The following TBC1D32 variants were observed in gnomAD, a reference collection of about 807,000 sequenced individuals.
TBC1D32 encodes the protein TBC1 domain family member 32.
Under a neutral mutation model 170.3 loss-of-function variants are expected in TBC1D32, and 151 were observed. The ratio of observed to expected loss-of-function variants is 0.89; its 90% CI spans 0.78 to 1.01. TBC1D32 has a LOEUF of 1.01. Among genes scored for constraint, TBC1D32 ranks in the 50% least tolerant of loss-of-function variants. The pLI is 0.00. For missense variants in TBC1D32, 1,464 were observed against 1,457.1 expected (o/e 1.00, Z -0.08); for synonymous variants, 498 against 488.0 (o/e 1.02, Z -0.27).
chr6:121,300,593 A>G (rs1806310986), intron 9 of TBC1D32, among the ~76,000 whole-genome samples: 1 of 152,196 alleles, frequency 6.6e-6, no homozygotes, highest in Non-Finnish European at 1.5e-5. Flanking sequence ...ACCCTAGAAG[A>G]AAACCTAGGC....
In TBC1D32 at chr6:121,310,818, T is replaced by C. The variant is rs1231701560; in HGVS notation, c.525A>G (p.Gln175=). The C allele has an allele frequency of 5.7e-6, 9 of 1,584,818 alleles. No homozygotes were observed. Among genetic ancestry groups the C allele is most frequent in the Middle Eastern group, 1.7e-4 (1 of 6,050 alleles). ...CAGGATCCAACTGGTCTAAAATCAATTGTAATTTTCCTTGACAAAATTTGT... is the reference window on the plus strand; with the variant it reads ...CAGGATCCAACTGGTCTAAAATCAACTGTAATTTTCCTTGACAAAATTTGT... ...QSYKFCQGKL[Q]LILDQLDPGQ... Residue 175 remains glutamine, a synonymous_variant, in exon 4 of 32, where the codon CAA becomes CAG. Coordinates refer to ENST00000398212, the MANE Select transcript of TBC1D32 (RefSeq NM_152730.6).
At chr6:121,198,362 G>A (rs77047625) in intron 22 of TBC1D32, among the ~76,000 whole-genome samples, 9,481 of 148,616 alleles carry the variant, frequency 0.064, 618 homozygotes, top group Admixed American at 0.2. Context: ...TGAGTTTGTG[G>A]AGCTTGCATG....
At chr6:121,284,397 G>C (rs765377824) in intron 12 of TBC1D32, among the ~76,000 whole-genome samples, 3 of 152,084 alleles carry the variant, frequency 2.0e-5, no homozygotes, top group Non-Finnish European at 2.9e-5. Context: ...GTAGCACTAA[G>C]TATATGTAGA....
rs559565308 is a variant in TBC1D32, at chr6:121,289,164, G to A, written c.1372+2889C>T. ...TGGAAGTTCTGGCAAGGGCAATCAG[G>A]CAAGGGAAAGAAATAAAGGGTATTC... On this transcript the variant is annotated intron_variant, in intron 12 of 31. Coordinates refer to ENST00000398212, the MANE Select transcript of TBC1D32 (RefSeq NM_152730.6). 1.1e-4 allele frequency among the ~76,000 whole-genome samples: 16 copies of A among 152,250 alleles called. 2 individuals carry two copies. In the South Asian group the frequency reaches 3.1e-3, roughly 30 times the overall value.
chr6:121,203,876 C>A (rs1438709815), intron 22 of TBC1D32, among the ~76,000 whole-genome samples: 8 of 151,006 alleles, frequency 5.3e-5, no homozygotes, highest in Non-Finnish European at 8.8e-5. Context: ...ATGTTATTCC[C>A]AGGAGCATTT....
intron 21 of TBC1D32, among the ~76,000 whole-genome samples, chr6:121,221,905 A>G (rs980467663): frequency 1.1e-4 from 17 of 152,356 alleles, no homozygotes; most frequent in Non-Finnish European, 2.2e-4. Context: ...ATTGACCTCA[A>G]TTCTGAAAGA....
At chr6:121,193,956 C>G (rs564995361) in intron 22 of TBC1D32, among the ~76,000 whole-genome samples, 1 of 152,248 alleles carries the variant, frequency 6.6e-6, no homozygotes, top group South Asian at 2.1e-4. Flanking sequence ...GAATATTTCT[C>G]CCATCCTTCC....
chr6:121,188,461 A>T (rs1291190441), intron 22 of TBC1D32, among the ~76,000 whole-genome samples: 1 of 152,194 alleles, frequency 6.6e-6, no homozygotes, highest in Admixed American at 6.6e-5. Context: ...ATAGAGATTT[A>T]ATCAAGAATA....
intron 30 of TBC1D32, among the ~76,000 whole-genome samples, chr6:121,102,829 C>T (rs921521636): frequency 6.6e-6 from 1 of 152,084 alleles, no homozygotes; most frequent in Non-Finnish European, 1.5e-5. Flanking sequence ...AAAATTTTTG[C>T]AATCTACTCA....
At chr6:121,142,026 C>T (rs535628712) in intron 24 of TBC1D32, among the ~76,000 whole-genome samples, 2 of 152,340 alleles carry the variant, frequency 1.3e-5, no homozygotes, top group South Asian at 2.1e-4. Flanking sequence ...GCTCTCTACT[C>T]GAGGGGTCAA....
intron 17 of TBC1D32, among the ~76,000 whole-genome samples, chr6:121,252,044 A>G (rs1212325257): frequency 6.6e-6 from 1 of 152,230 alleles, no homozygotes; most frequent in East Asian, 1.9e-4. Context: ...TGCCAGTTAG[A>G]ATGACAATCA....
intron 24 of TBC1D32, among the ~76,000 whole-genome samples, chr6:121,136,706 T>C (rs1048903910): frequency 6.6e-5 from 10 of 152,184 alleles, no homozygotes; most frequent in African/African-American, 2.4e-4. Flanking sequence ...GAAAATGTTC[T>C]ATATTTGATT....
intron 27 of TBC1D32, 141 bp from the exon 28 acceptor site, chr6:121,113,318 T>C: frequency 5.8e-6 from 3 of 519,916 alleles, no homozygotes; most frequent in East Asian, 6.3e-5. Context: ...GATTATGATA[T>C]ATTTGGATTA....
chr6:121,158,524 G>A (rs533375347), intron 24 of TBC1D32, among the ~76,000 whole-genome samples: 2 of 152,076 alleles, frequency 1.3e-5, no homozygotes, highest in Non-Finnish European at 2.9e-5. Context: ...TTTCAATATG[G>A]TTAAGAACCA....
chr6:121,087,678 T>C (rs942395814), intron 31 of TBC1D32, among the ~76,000 whole-genome samples: 2 of 152,238 alleles, frequency 1.3e-5, no homozygotes, highest in Non-Finnish European at 2.9e-5. Context: ...AACTCATTTA[T>C]AACAGTCAGA....
At chr6:121,207,185 T>C (rs905006002) in intron 21 of TBC1D32, among the ~76,000 whole-genome samples, 8 of 152,318 alleles carry the variant, frequency 5.3e-5, no homozygotes, top group East Asian at 1.9e-4. Context: ...ATTATACTTC[T>C]TGTACCTGAG....
chr6:121,274,150 T>C (rs994726558), intron 15 of TBC1D32, among the ~76,000 whole-genome samples: 5 of 151,900 alleles, frequency 3.3e-5, no homozygotes, highest in East Asian at 1.9e-4. Flanking sequence ...CTGGCCAATA[T>C]AGTGAAACCC....
chr6:121,226,064 A>C lies in TBC1D32; in HGVS notation c.2365-2712T>G, dbSNP rs117133835. ...GACTAAAGCATAAAATTAATTCCCC[A>C]AGTCAAGAAGTTTTCTTATAAATTA... On this transcript the variant is annotated intron_variant, in intron 20 of 31. Transcript: ENST00000398212. 4.5e-4 allele frequency among the ~76,000 whole-genome samples: 68 copies of C among 152,286 alleles called. No homozygotes were observed. The East Asian group carries it at 0.013, about 28-fold the overall frequency.
At chr6:121,287,782 C>T (rs999947012) in intron 12 of TBC1D32, among the ~76,000 whole-genome samples, 1 of 152,104 alleles carries the variant, frequency 6.6e-6, no homozygotes, top group African/African-American at 2.4e-5. Context: ...TGTAAAAGAA[C>T]AGAAATTATA....
Sources: gnomAD v4.1 joint callset for allele counts (sites outside exome capture counted in the v4.1 genomes callset) on GRCh38, gnomAD v4.1.1 for gene constraint, MANE v1.5 for transcripts, NCBI Gene and HGNC (gene_info 2026-07-23, HGNC 2026-07-21) for gene names.